ITK: variants seen among roughly 807,000 people sequenced by gnomAD.
The protein encoded by ITK is IL2 inducible T cell kinase.
In ITK, 45 loss-of-function variants were observed where a neutral mutation model predicts 87.6. The ratio of observed to expected loss-of-function variants is 0.51; its 90% CI spans 0.40 to 0.66. The LOEUF (loss-of-function observed/expected upper bound fraction) is 0.66. Ranked by LOEUF, ITK falls within the 30% of genes least tolerant of loss-of-function variation. The pLI is 0.00. For missense variants in ITK, 605 were observed against 766.3 expected (o/e 0.79, Z 2.48); for synonymous variants, 303 against 273.6 (o/e 1.11, Z -1.06).
chr5:157,234,527 A>G (rs1754737122), intron 8 of ITK, among the ~76,000 whole-genome samples: 1 of 152,230 alleles, frequency 6.6e-6, no homozygotes, highest in South Asian at 2.1e-4. Flanking sequence ...ATTCCTGCAT[A>G]GTATTCCATG....
chr5:157,229,138 C>G (rs1010186665), intron 7 of ITK, among the ~76,000 whole-genome samples: 2 of 151,976 alleles, frequency 1.3e-5, no homozygotes, highest in African/African-American at 4.8e-5. Context: ...AGGGTTTTTT[C>G]TTATAGTAGA....
At chr5:157,251,236 A>G (rs1755133735) in intron 16 of ITK, among the ~76,000 whole-genome samples, 1 of 152,116 alleles carries the variant, frequency 6.6e-6, no homozygotes, top group Non-Finnish European at 1.5e-5. Context: ...TTTAACTTGC[A>G]TTTTCCTAAT....
chr5:157,194,019 G>A (rs1414848213), intron 1 of ITK, among the ~76,000 whole-genome samples: 1 of 152,114 alleles, frequency 6.6e-6, no homozygotes, highest in African/African-American at 2.4e-5. Context: ...ATGGAGCTAC[G>A]AGGACGGTAA....
At chr5:157,251,797 G>T (rs1002071489) in intron 16 of ITK, among the ~76,000 whole-genome samples, 3 of 152,118 alleles carry the variant, frequency 2.0e-5, no homozygotes, top group African/African-American at 7.2e-5. Flanking sequence ...TTAAATGTTA[G>T]TTTACTATAT....
chr5:157,232,328 C>T lies in ITK; in HGVS notation c.714-12C>T, dbSNP rs775854817. The T allele has an allele frequency of 1.6e-5, 26 of 1,597,620 alleles. No homozygotes were observed. Among genetic ancestry groups the T allele is most frequent in the Admixed American group, 5.0e-5 (3 of 59,932 alleles). On this transcript the variant is annotated splice_polypyrimidine_tract_variant and intron_variant, in intron 7 of 16. Transcript: ENST00000422843. ...AATATGTCATTGACATATGACTTTT[C>T]CTTGCTTTCAGGTGGTACAATAAGA...
chr5:157,199,434 A>C (rs1345868303), intron 1 of ITK: 1 of 152,238 alleles, frequency 6.6e-6, no homozygotes, highest in Non-Finnish European at 1.5e-5. Flanking sequence ...CTGAGGAACC[A>C]GGGAGTGTGT....
rs912253793 is a variant in ITK at position 157,228,485 on chromosome 5, T to C, written c.713+124T>C. 5.0e-5 allele frequency: 35 copies of C among 698,698 alleles called. No homozygotes were observed. The Admixed American group carries it at 5.6e-4, about 11-fold the overall frequency. 43.3% of individuals were successfully genotyped at this position (698,698 alleles called of 1,614,324 possible). A position where few individuals can be genotyped will look rare whatever the true frequency, so the allele number is the denominator to read the frequency against. ...CTACTGCAACAGCAATGTTCACACA[T>C]ACCATCCAGCTCTTGATACCTAAAT... is the stretch of plus-strand genomic sequence containing the variant. On this transcript the variant is annotated intron_variant, in intron 7 of 16. Coordinates refer to ENST00000422843, the MANE Select transcript of ITK (RefSeq NM_005546.4).
intron 6 of ITK, among the ~76,000 whole-genome samples, chr5:157,226,862 C>T (rs558489429): frequency 3.0e-4 from 45 of 152,264 alleles, no homozygotes; most frequent in African/African-American, 1.0e-3. Flanking sequence ...TGCAGTGGCA[C>T]GATCTCAGCT....
intron 1 of ITK, among the ~76,000 whole-genome samples, chr5:157,201,195 A>G (rs1316898919): frequency 6.6e-6 from 1 of 152,076 alleles, no homozygotes; most frequent in Non-Finnish European, 1.5e-5. Context: ...AAAAATTTTG[A>G]GTCTTGCAAA....
intron 1 of ITK, among the ~76,000 whole-genome samples, chr5:157,192,405 G>T (rs748439957): frequency 6.6e-6 from 1 of 152,170 alleles, no homozygotes; most frequent in Non-Finnish European, 1.5e-5. Flanking sequence ...TGACTGTTCC[G>T]TAGAAGTTAG....
intron 11 of ITK, 68 bp from the exon 12 acceptor site, chr5:157,243,555 C>A (rs1754956830): frequency 1.5e-6 from 2 of 1,296,926 alleles, no homozygotes; most frequent in Non-Finnish European, 2.2e-6. Flanking sequence ...GCTTTATAGT[C>A]CCCTGGTATC....
At chr5:157,181,521 G>T (rs1022124256) in intron 1 of ITK, among the ~76,000 whole-genome samples, 6 of 152,234 alleles carry the variant, frequency 3.9e-5, no homozygotes, top group Non-Finnish European at 8.8e-5. Flanking sequence ...TCAATGGGAT[G>T]ATCTACCCCA....
At chr5:157,186,873 A>G (rs771024160) in intron 1 of ITK, among the ~76,000 whole-genome samples, 11 of 152,124 alleles carry the variant, frequency 7.2e-5, no homozygotes, top group Non-Finnish European at 1.5e-4. Context: ...CATCCTCCAC[A>G]TGGCAACCAG....
chr5:157,249,824 A>G (rs1463573592), intron 16 of ITK, among the ~76,000 whole-genome samples: 1 of 152,238 alleles, frequency 6.6e-6, no homozygotes, highest in Non-Finnish European at 1.5e-5. Context: ...GACATAAAGG[A>G]GGGCATAAAA....
chr5:157,191,135 A>T (rs1306432104), intron 1 of ITK, among the ~76,000 whole-genome samples: 2 of 148,660 alleles, frequency 1.3e-5, no homozygotes, highest in South Asian at 2.1e-4. Context: ...TTATTTATTT[A>T]TTTATTTTAT....
At chr5:157,206,973 G>A (rs1048330971) in intron 1 of ITK, among the ~76,000 whole-genome samples, 32 of 151,996 alleles carry the variant, frequency 2.1e-4, no homozygotes, top group Non-Finnish European at 4.4e-4. Context: ...AAAACTCACT[G>A]AAATGTACAT....
chr5:157,204,405 C>G (rs1411732633), intron 1 of ITK, among the ~76,000 whole-genome samples: 1 of 151,478 alleles, frequency 6.6e-6, no homozygotes, highest in Non-Finnish European at 1.5e-5. Flanking sequence ...TACTAAAATA[C>G]AAAAAAAATT....
At chr5:157,203,134 T>G (rs1754009319) in intron 1 of ITK, among the ~76,000 whole-genome samples, 1 of 152,222 alleles carries the variant, frequency 6.6e-6, no homozygotes, top group Non-Finnish European at 1.5e-5. Context: ...GGCCACAGTT[T>G]GGTCACATCA....
At chr5:157,227,499 G>C (rs755005693) in intron 6 of ITK, among the ~76,000 whole-genome samples, 1 of 152,048 alleles carries the variant, frequency 6.6e-6, no homozygotes, top group Non-Finnish European at 1.5e-5. Flanking sequence ...AAATTAAAAA[G>C]CTTACAATGC....
Sources: allele counts gnomAD v4.1 joint callset (sites outside exome capture counted in the v4.1 genomes callset), GRCh38; gene constraint gnomAD v4.1.1; transcripts MANE v1.5; gene names NCBI Gene and HGNC (gene_info 2026-07-23, HGNC 2026-07-21).